The following DMD variants were observed in gnomAD, a reference collection of about 807,000 sequenced individuals.
The protein encoded by DMD is mutant dystrophin.
DMD carries 63 observed loss-of-function variants against 330.1 expected under a neutral mutation model. That is an observed-to-expected ratio of 0.19 (90% confidence interval 0.16 to 0.24). The LOEUF (loss-of-function observed/expected upper bound fraction) is 0.24, where lower values mean the gene tolerates loss of function less well. Ranked by LOEUF, DMD falls within the 10% of genes least tolerant of loss-of-function variation. The pLI, the probability that DMD is intolerant of heterozygous loss-of-function variation, is 1.00. For missense variants in DMD, 3,344 were observed against 2,684.1 expected (o/e 1.25, Z -5.43); for synonymous variants, 1,223 against 959.8 (o/e 1.27, Z -5.07).
intron 60 of DMD, among the ~76,000 whole-genome samples, chrX:31,439,875 G>A (rs2064806473): frequency 9.0e-6 from 1 of 111,161 alleles, no homozygotes; most frequent in Non-Finnish European, 1.9e-5. Context: ...CATTAGTTTG[G>A]CTTTAAGAGC....
chrX:32,822,144 A>T (rs1416278888), intron 5 of DMD, among the ~76,000 whole-genome samples: 1 of 112,165 alleles, frequency 8.9e-6, no homozygotes, highest in Non-Finnish European at 1.9e-5. Context: ...GGAAAACTTT[A>T]AGCAATCAAT....
In DMD at chrX:32,082,405, T is replaced by TATC. The variant is rs765879492; in HGVS notation, c.6439-113894_6439-113892dup. 8.6e-5 allele frequency among the ~76,000 whole-genome samples: 9 copies of TATC among 104,464 alleles called. No individual in the cohort carries two copies. The East Asian group carries it at 1.8e-3, about 21-fold the overall frequency. The allele number at this position is 104,464 out of a possible 115,157, so 90.7% of individuals were successfully genotyped here. ...TACCTCGCCCGGCTATCTATCTATC[T>TATC]ATCTATCTATCTATCTATCTATCTA... On this transcript the variant is annotated intron_variant, in intron 44 of 78. Transcript: ENST00000357033.
chrX:32,629,182 C>T (rs34627460), intron 11 of DMD, among the ~76,000 whole-genome samples: 6,836 of 111,362 alleles, frequency 0.061, 243 homozygotes, highest in African/African-American at 0.11. Context: ...TTGATTTATA[C>T]GTCTGGGTGT....
At chrX:32,969,027 C>CCAAAAA (rs2092280100) in intron 2 of DMD, among the ~76,000 whole-genome samples, 2 of 19,813 alleles carry the variant, frequency 1.0e-4, no homozygotes, top group African/African-American at 3.1e-4. Context: ...GATTCTGTCT[C>CCAAAAA]AAAAAAAAAA....
intron 2 of DMD, among the ~76,000 whole-genome samples, chrX:32,895,844 C>CGTGTGT (rs5902042): frequency 1.1e-3 from 113 of 99,807 alleles, no homozygotes; most frequent in Middle Eastern, 5.3e-3. Flanking sequence ...TTGGAATGAA[C>CGTGTGT]GTGTGTGTGT....
At chrX:32,383,700 T>A (rs186292631) in intron 33 of DMD, among the ~76,000 whole-genome samples, 199 of 110,882 alleles carry the variant, frequency 1.8e-3, no homozygotes, top group Non-Finnish European at 3.1e-3. Context: ...GATATTACTA[T>A]GTGGCAAATG....
chrX:31,969,605 C>T lies in DMD; in HGVS notation c.6439-1091G>A, dbSNP rs141080157. On this transcript the variant is annotated intron_variant, in intron 44 of 78. Transcript: ENST00000357033. ...TGACAGTAGACCCCAGTACATGCTT[C>T]CTAAATGAAGGAAGGAATGCATGTT... Among the ~76,000 whole-genome samples, 610 of 111,330 alleles carry T rather than the reference C, an allele frequency of 5.5e-3. 1 individual carries two copies. The highest frequency in any genetic ancestry group is 9.2e-3 in the Middle Eastern group (2 of 218).
chrX:31,408,266 T>A (rs777250531), intron 60 of DMD, among the ~76,000 whole-genome samples: 23 of 112,474 alleles, frequency 2.0e-4, no homozygotes, highest in African/African-American at 7.4e-4. Flanking sequence ...GGCATCACGC[T>A]CATGTTATCC....
At chrX:33,125,317 G>A (rs1307959530) in intron 1 of DMD, among the ~76,000 whole-genome samples, 1 of 110,944 alleles carries the variant, frequency 9.0e-6, no homozygotes, top group Non-Finnish European at 1.9e-5. Context: ...CATGTGATAG[G>A]TAGGACTGGC....
intron 52 of DMD, among the ~76,000 whole-genome samples, chrX:31,716,075 A>C (rs1376567737): frequency 8.9e-6 from 1 of 112,374 alleles, no homozygotes; most frequent in African/African-American, 3.2e-5. Context: ...AGGGAGGCGA[A>C]ACATATACTA....
intron 44 of DMD, among the ~76,000 whole-genome samples, chrX:32,102,578 C>T (rs1316169209): frequency 1.8e-5 from 2 of 110,577 alleles, no homozygotes; most frequent in Non-Finnish European, 1.9e-5. Context: ...ATAAATAGGA[C>T]CATAGGCTAT....
chrX:33,005,389 G>T (rs992816244), intron 2 of DMD, among the ~76,000 whole-genome samples: 3 of 108,616 alleles, frequency 2.8e-5, no homozygotes, highest in African/African-American at 1.0e-4. Context: ...TTTATCAAAT[G>T]TTAGTATCTC....
intron 1 of DMD, among the ~76,000 whole-genome samples, chrX:33,146,599 C>T (rs1206433558): frequency 9.0e-6 from 1 of 110,802 alleles, no homozygotes; most frequent in Non-Finnish European, 1.9e-5. Context: ...ATGTAGAAGT[C>T]AGGATTCCAA....
intron 1 of DMD, among the ~76,000 whole-genome samples, chrX:33,037,031 G>T (rs1007336038): frequency 9.0e-6 from 1 of 111,024 alleles, no homozygotes; most frequent in Non-Finnish European, 1.9e-5. Flanking sequence ...GAGAGTCCTG[G>T]AAGGTTTTGA....
chrX:31,266,606 G>A (rs2051146051), intron 62 of DMD, among the ~76,000 whole-genome samples: 1 of 112,119 alleles, frequency 8.9e-6, no homozygotes. Flanking sequence ...CACTAGCCCG[G>A]CGCCTGGGGA....
chrX:31,223,206 A>G, intron 63 of DMD, 85 bp from the exon 64 acceptor site: 2 of 817,152 alleles, frequency 2.4e-6, no homozygotes, highest in Non-Finnish European at 3.7e-6. Context: ...ATTTGCCAAT[A>G]ACTACAACCA....
intron 66 of DMD, among the ~76,000 whole-genome samples, 179 bp downstream of exon 66, chrX:31,206,403 T>G (rs2044070206): frequency 8.9e-6 from 1 of 112,478 alleles, no homozygotes; most frequent in South Asian, 3.7e-4. Flanking sequence ...CTTAAATGCC[T>G]GCAATTTAAT....
In DMD at chrX:33,290,347, A is replaced by T. The variant is rs1459959942; in HGVS notation, c.7+48912T>A. Among the ~76,000 whole-genome samples the T allele has an allele frequency of 2.4e-4, 27 of 111,556 alleles. No homozygotes were observed. In the Admixed American group the frequency reaches 2.6e-3, roughly 11 times the overall value. ...CTATTCCCAATAAAGTCTCTCTGCCACATGAACTCACAATGAGCTTTAAAA... is the reference window on the plus strand; with the variant it reads ...CTATTCCCAATAAAGTCTCTCTGCCTCATGAACTCACAATGAGCTTTAAAA... On this transcript the variant is annotated intron_variant, in intron 1 of 17. Coordinates refer to the DMD transcript ENST00000288447.
chrX:33,051,563 T>C (rs996071039), intron 1 of DMD, among the ~76,000 whole-genome samples: 3 of 109,925 alleles, frequency 2.7e-5, no homozygotes, highest in Admixed American at 9.8e-5. Context: ...TTAATGATTG[T>C]AATTATTTTG....
Sources: allele counts gnomAD v4.1 joint callset (sites outside exome capture counted in the v4.1 genomes callset), GRCh38; gene constraint gnomAD v4.1.1; transcripts MANE v1.5; gene names NCBI Gene and HGNC (gene_info 2026-07-23, HGNC 2026-07-21).